SETX: variants seen among roughly 807,000 people sequenced by gnomAD.
SETX encodes senataxin, also known as helicase senataxin.
Under a neutral mutation model 227.2 loss-of-function variants are expected in SETX, and 90 were observed. The ratio of observed to expected loss-of-function variants is 0.40; its 90% CI spans 0.33 to 0.47. The LOEUF (loss-of-function observed/expected upper bound fraction) is 0.47, where lower values mean the gene tolerates loss of function less well. Ranked by LOEUF, SETX falls within the 20% of genes least tolerant of loss-of-function variation. The pLI, the probability that SETX is intolerant of heterozygous loss-of-function variation, is 0.91. For missense variants in SETX, 3,052 were observed against 3,181.5 expected (o/e 0.96, Z 0.98); for synonymous variants, 1,210 against 1,113.2 (o/e 1.09, Z -1.73).
At chr9:132,305,890 C>T (rs10114360) in intron 11 of SETX, among the ~76,000 whole-genome samples, 37,952 of 151,902 alleles carry the variant, frequency 0.25, 6,012 homozygotes, top group East Asian at 0.67. Flanking sequence ...TCTTAGTCTA[C>T]ACCAACATAA....
chr9:132,354,526 A>C (rs1214434331), intron 1 of SETX, among the ~76,000 whole-genome samples: 2 of 151,706 alleles, frequency 1.3e-5, no homozygotes, highest in Admixed American at 6.6e-5. Context: ...AAAGAAAAAA[A>C]AACAAAGGGA....
chr9:132,317,004 A>G (rs10901162), intron 10 of SETX, among the ~76,000 whole-genome samples: 38,121 of 152,184 alleles, frequency 0.25, 6,075 homozygotes, highest in East Asian at 0.67. Context: ...AACTACATCA[A>G]ATTTATAAAT....
chr9:132,329,612 G>A lies in SETX; in HGVS notation c.1986C>T (p.Asn662=), dbSNP rs1307680734. The A allele has an allele frequency of 6.2e-7, 1 of 1,613,794 alleles. No individual in the cohort carries two copies. The highest frequency in any genetic ancestry group is 8.5e-7 in the Non-Finnish European group (1 of 1,179,960). ...VQDSVLIKAD[N]TIEGDNNEQN... is the part of the protein sequence containing the mutation. ...GCTCATTATTGTCACCTTCTATAGT[G>A]TTATCTGCTTTGATCAATACACTGT... The change falls in exon 10 of 26, where the codon AAC becomes AAT. Residue 662 remains asparagine, a synonymous_variant. Coordinates refer to ENST00000224140, the MANE Select transcript of SETX (RefSeq NM_015046.7).
chr9:132,347,850 C>T (rs979385967), intron 3 of SETX, among the ~76,000 whole-genome samples: 5 of 151,998 alleles, frequency 3.3e-5, no homozygotes, highest in African/African-American at 1.2e-4. Flanking sequence ...CAACACAAGT[C>T]CATTACTAAT....
At chr9:132,279,930 T>C (rs1843401902) in intron 20 of SETX, among the ~76,000 whole-genome samples, 1 of 152,158 alleles carries the variant, frequency 6.6e-6, no homozygotes, top group Non-Finnish European at 1.5e-5. Context: ...CCCACGTACA[T>C]ATACACATAA....
At position 132,308,549 on chromosome 9, in the gene SETX, T is replaced by G. The variant is rs60118520; in HGVS notation, c.5374+3208A>C. Among the ~76,000 whole-genome samples, 233 of 152,314 alleles carry G rather than the reference T, an allele frequency of 1.5e-3. 1 individual carries two copies. Among genetic ancestry groups the G allele is most frequent in the African/African-American group, 5.3e-3 (221 of 41,574 alleles). Reference sequence around the variant, plus strand: ...AAAGTGTTATGAGATAACTGAAAATTTGAACACTGACTGATATGAAGGGAT... The same window carrying G: ...AAAGTGTTATGAGATAACTGAAAATGTGAACACTGACTGATATGAAGGGAT... On this transcript the variant is annotated intron_variant, in intron 11 of 25. Coordinates refer to ENST00000224140, the MANE Select transcript of SETX (RefSeq NM_015046.7).
chr9:132,281,014 ATTAAT>A (rs144908853), intron 20 of SETX, among the ~76,000 whole-genome samples: 2,279 of 152,318 alleles, frequency 0.015, 59 homozygotes, highest in African/African-American at 0.052. Context: ...GTACTCCAAA[ATTAAT>A]TTAACTTCAT....
chr9:132,318,008 T>C (rs1417563098), intron 10 of SETX, among the ~76,000 whole-genome samples: 1 of 152,218 alleles, frequency 6.6e-6, no homozygotes, highest in Admixed American at 6.5e-5. Context: ...GAGATCCTTA[T>C]TACACATATA....
intron 10 of SETX, among the ~76,000 whole-genome samples, chr9:132,319,449 G>A (rs548769160): frequency 6.6e-6 from 1 of 152,240 alleles, no homozygotes; most frequent in African/African-American, 2.4e-5. Context: ...ATATCAACCT[G>A]CAGCTTACAG....
At chr9:132,353,334 G>A (rs1184835) in intron 2 of SETX, among the ~76,000 whole-genome samples, 105,148 of 151,830 alleles carry the variant, frequency 0.69, 39,199 homozygotes, top group Non-Finnish European at 0.84. Context: ...ACCTCTGCCC[G>A]GTACTTAACT....
At position 132,317,562 on chromosome 9, in the gene SETX, A is replaced by C. The variant is rs549035653; in HGVS notation, c.5275-5706T>G. Among the ~76,000 whole-genome samples, 95 of 152,090 alleles carry C rather than the reference A, an allele frequency of 6.2e-4. 1 individual carries two copies. The highest frequency in any genetic ancestry group is 2.2e-3 in the African/African-American group (90 of 41,450). On this transcript the variant is annotated intron_variant, in intron 10 of 25. Transcript: ENST00000224140. Reference sequence around the variant, plus strand: ...GCCCCTCTGAATTGTTCTCATGTTAAAGTAAATGTTGATTGTAAAAGTGCA... The same window carrying C: ...GCCCCTCTGAATTGTTCTCATGTTACAGTAAATGTTGATTGTAAAAGTGCA...
chr9:132,293,460 T>C (rs1013527805), intron 15 of SETX, among the ~76,000 whole-genome samples: 2 of 152,104 alleles, frequency 1.3e-5, no homozygotes, highest in African/African-American at 4.8e-5. Flanking sequence ...TCACTCTTGT[T>C]GCCCAGGCTG....
intron 20 of SETX, among the ~76,000 whole-genome samples, chr9:132,279,570 T>C (rs1490993711): frequency 1.3e-5 from 2 of 152,220 alleles, no homozygotes; most frequent in Non-Finnish European, 1.5e-5. Flanking sequence ...TCACAAACTA[T>C]GGGAGTGGAA....
At chr9:132,300,399 T>C (rs1013205157) in intron 12 of SETX, among the ~76,000 whole-genome samples, 2 of 152,042 alleles carry the variant, frequency 1.3e-5, no homozygotes, top group African/African-American at 4.8e-5. Flanking sequence ...AACACAATGA[T>C]GGATAAAGAA....
chr9:132,296,504 T>C (rs1194945484), intron 14 of SETX, among the ~76,000 whole-genome samples: 1 of 151,662 alleles, frequency 6.6e-6, no homozygotes, highest in Non-Finnish European at 1.5e-5. Context: ...CAGAGGTTGC[T>C]GTGAGTCAAG....
rs373392765 is a variant in SETX, at chr9:132,326,749, A to G, written c.4849T>C (p.Ser1617Pro). Residue 1617 changes from serine to proline, a missense_variant, in exon 10 of 26, where the codon TCT becomes CCT. By Grantham distance (74) the Ser-to-Pro change is moderately conservative. Around this residue, in one of 10 missense-constraint regions of SETX, gnomAD observed 1,483 missense variants for 1,312.0 expected, o/e 1.13. Transcript: ENST00000224140. ...TTTAGAGACGGTGAAAGTGCTGAAG[A>G]AGTTTCCAAAGATTTAGAAAGACCA... ...IAGLSKSLET[S>P]SALSPSLKNK... is the part of the protein sequence containing the mutation. The G allele has an allele frequency of 5.6e-6, 9 of 1,614,120 alleles. No individual in the cohort carries two copies. The African/African-American group carries it at 1.1e-4, about 19-fold the overall frequency.
At chr9:132,334,549 T>C (rs1243739963) in intron 7 of SETX, 59 bp downstream of exon 7, 2 of 1,594,696 alleles carry the variant, frequency 1.3e-6, no homozygotes, top group African/African-American at 2.7e-5. Context: ...GACACTATCA[T>C]TTTTAAAGTG....
At chr9:132,338,708 C>G (rs1847787133) in intron 5 of SETX, among the ~76,000 whole-genome samples, 1 of 152,240 alleles carries the variant, frequency 6.6e-6, no homozygotes, top group Admixed American at 6.5e-5. Context: ...CATGCCTGTT[C>G]AGATCTTCAT....
chr9:132,278,290 A>C, intron 20 of SETX, 33 bp from the exon 21 acceptor site: 1 of 1,605,498 alleles, frequency 6.2e-7, no homozygotes, highest in Non-Finnish European at 8.5e-7. Flanking sequence ...ACAGTTTCCA[A>C]GAATTCATTT....
Sources: gnomAD v4.1 joint callset for allele counts (sites outside exome capture counted in the v4.1 genomes callset) on GRCh38, gnomAD v4.1.1 for gene constraint, gnomAD v4.1.1 regional missense constraint, MANE v1.5 for transcripts, NCBI Gene and HGNC (gene_info 2026-07-23, HGNC 2026-07-21) for gene names.